CD99L2: variants seen among roughly 807,000 people sequenced by gnomAD.
CD99L2 encodes CD99 antigen-like protein 2.
A neutral mutation model predicts 27.3 loss-of-function variants in CD99L2; 24 were observed. The ratio of observed to expected loss-of-function variants is 0.88; its 90% confidence interval spans 0.64 to 1.24. The LOEUF (loss-of-function observed/expected upper bound fraction) is 1.24, where lower values mean the gene tolerates loss of function less well. CD99L2 is among the 50% of genes most tolerant of loss of function. The pLI is 0.00. For missense variants in CD99L2, 255 were observed against 221.6 expected (o/e 1.15, Z -0.96); for synonymous variants, 97 against 87.9 (o/e 1.10, Z -0.58).
In CD99L2 at chrX:150,877,350, A is replaced by T. The variant is rs1436839802; in HGVS notation, c.67+21172T>A. On this transcript the variant is annotated intron_variant, in intron 1 of 10. Coordinates refer to ENST00000370377, the MANE Select transcript of CD99L2 (RefSeq NM_031462.4). The stretch of plus-strand genomic sequence containing the variant: ...TTAATGTGATAAAAATACATATCAC[A>T]AACTAAAGTCAAGAACAAGCAAAGA... Among the ~76,000 whole-genome samples the T allele has an allele frequency of 2.7e-5, 3 of 111,619 alleles. No individual in the cohort carries two copies. In the Admixed American group the frequency reaches 2.9e-4, roughly 11 times the overall value.
chrX:150,778,728 GA>G (rs1266184937), intron 7 of CD99L2, among the ~76,000 whole-genome samples: 4 of 101,839 alleles, frequency 3.9e-5, no homozygotes, highest in African/African-American at 1.5e-4. Context: ...GATTCCTGGG[GA>G]AAAATGAGGT....
chrX:150,792,778 A>G (rs913583103), intron 7 of CD99L2, among the ~76,000 whole-genome samples: 11 of 112,320 alleles, frequency 9.8e-5, no homozygotes, highest in African/African-American at 3.6e-4. Flanking sequence ...ACAAGTTACA[A>G]TCACGACAGG....
chrX:150,839,799 C>T (rs61119806), intron 1 of CD99L2, among the ~76,000 whole-genome samples: 9,761 of 109,599 alleles, frequency 0.089, 629 homozygotes, highest in African/African-American at 0.23. Flanking sequence ...CTTTGAGAGG[C>T]TGAGGTGGGA....
chrX:150,894,382 T>C (rs1436463343), intron 1 of CD99L2, among the ~76,000 whole-genome samples: 5 of 111,869 alleles, frequency 4.5e-5, no homozygotes, highest in Non-Finnish European at 9.4e-5. Flanking sequence ...ATAGTGTTGT[T>C]ATCCCTATTT....
intron 1 of CD99L2, among the ~76,000 whole-genome samples, chrX:150,853,988 G>A (rs2046831988): frequency 8.9e-6 from 1 of 111,772 alleles, no homozygotes; most frequent in South Asian, 3.8e-4. Flanking sequence ...GAGCTATGAA[G>A]TTACAGTCAG....
At chrX:150,843,965 A>T (rs1414730427) in intron 1 of CD99L2, among the ~76,000 whole-genome samples, 1 of 111,629 alleles carries the variant, frequency 9.0e-6, no homozygotes, top group Non-Finnish European at 1.9e-5. Flanking sequence ...AAAAGCAAAC[A>T]AGGCCCACTA....
chrX:150,778,673 T>TAAA (rs1195688468), intron 7 of CD99L2, among the ~76,000 whole-genome samples: 4 of 67,932 alleles, frequency 5.9e-5, no homozygotes, highest in African/African-American at 2.0e-4. Flanking sequence ...TAAAGTATAA[T>TAAA]AAAAAAAAAA....
intron 1 of CD99L2, among the ~76,000 whole-genome samples, chrX:150,864,092 T>C (rs2124326640): frequency 8.9e-6 from 1 of 112,207 alleles, no homozygotes; most frequent in East Asian, 2.8e-4. Context: ...CTAGGAAAGC[T>C]GTACAAGCAC....
intron 1 of CD99L2, among the ~76,000 whole-genome samples, chrX:150,855,979 T>C (rs1256984904): frequency 8.9e-6 from 1 of 111,920 alleles, no homozygotes; most frequent in Non-Finnish European, 1.9e-5. Flanking sequence ...TCCAAATTCA[T>C]GGGCCTGGCA....
chrX:150,793,957 T>C (rs1248384267), intron 6 of CD99L2, among the ~76,000 whole-genome samples: 3 of 110,704 alleles, frequency 2.7e-5, no homozygotes, highest in Admixed American at 9.6e-5. Context: ...TGAGTGTGAG[T>C]GGAACCATGG....
intron 1 of CD99L2, among the ~76,000 whole-genome samples, chrX:150,884,998 A>G (rs2047386220): frequency 8.9e-6 from 1 of 112,524 alleles, no homozygotes; most frequent in South Asian, 3.6e-4. Flanking sequence ...TGTTGGGGGA[A>G]AGACAAAACA....
chrX:150,769,697 TGCTCC>T (rs2043395293), intron 10 of CD99L2, among the ~76,000 whole-genome samples: 2 of 78,507 alleles, frequency 2.5e-5, no homozygotes, highest in Non-Finnish European at 3.9e-5. Context: ...AGGCCTCGGC[TGCTCC>T]CCGACCCCAG....
chrX:150,771,009 CT>C (rs1367322646), intron 9 of CD99L2, among the ~76,000 whole-genome samples: 4 of 112,500 alleles, frequency 3.6e-5, no homozygotes, highest in African/African-American at 1.3e-4. Context: ...GATTCGGGGA[CT>C]GTACCAAGCA....
At chrX:150,886,658 C>A (rs1348829686) in intron 1 of CD99L2, among the ~76,000 whole-genome samples, 9 of 112,124 alleles carry the variant, frequency 8.0e-5, no homozygotes, top group African/African-American at 2.9e-4. Flanking sequence ...CCACCCCCCA[C>A]CCCCTAGGGG....
intron 9 of CD99L2, among the ~76,000 whole-genome samples, chrX:150,771,505 T>C (rs1761058548): frequency 8.9e-6 from 1 of 111,810 alleles, no homozygotes; most frequent in Non-Finnish European, 1.9e-5. Flanking sequence ...GTCTCCTTCC[T>C]GTGGGTGGCC....
At chrX:150,804,177 A>T (rs897392660) in intron 4 of CD99L2, among the ~76,000 whole-genome samples, 4 of 112,242 alleles carry the variant, frequency 3.6e-5, no homozygotes, top group Non-Finnish European at 7.5e-5. Context: ...AAAGGTCTTA[A>T]TAAATTTAAC....
chrX:150,771,485 G>T (rs887913543), intron 9 of CD99L2, among the ~76,000 whole-genome samples: 3 of 111,958 alleles, frequency 2.7e-5, no homozygotes, highest in Non-Finnish European at 1.9e-5. Context: ...AACCCAGTGG[G>T]CGCTGGATCG....
intron 7 of CD99L2, among the ~76,000 whole-genome samples, chrX:150,786,433 TCTC>T (rs782683127): frequency 9.0e-6 from 1 of 111,282 alleles, no homozygotes; most frequent in East Asian, 2.8e-4. Flanking sequence ...GTCTATGTGT[TCTC>T]ATCATTTAGC....
chrX:150,824,118 A>G lies in CD99L2; in HGVS notation c.130+7113T>C, dbSNP rs1239660570. 2.0e-3 allele frequency among the ~76,000 whole-genome samples: 94 copies of G among 46,334 alleles called. 8 individuals carry two copies. Among genetic ancestry groups the G allele is most frequent in the Middle Eastern group, 0.026 (2 of 77 alleles). The allele number at this position is 46,334 out of a possible 115,157, so 40.2% of individuals were successfully genotyped here. A position where few individuals can be genotyped will look rare whatever the true frequency, so the allele number is the denominator to read the frequency against. On this transcript the variant is annotated intron_variant, in intron 2 of 10. Transcript: ENST00000370377. ...GAAGAAGGAAGAAGGAAGAAGGAAGAAGGAAGGAGGAGGAGGAGGAGGAGA... is the reference window on the plus strand; with the variant it reads ...GAAGAAGGAAGAAGGAAGAAGGAAGGAGGAAGGAGGAGGAGGAGGAGGAGA...
Sources: gnomAD v4.1 joint callset for allele counts (sites outside exome capture counted in the v4.1 genomes callset) on GRCh38, gnomAD v4.1.1 for gene constraint, MANE v1.5 for transcripts, NCBI Gene and HGNC (gene_info 2026-07-23, HGNC 2026-07-21) for gene names.